Variants in SAMMSON observed in about 807,000 individuals in gnomAD.
SAMMSON encodes the protein survival associated mitochondrial melanoma specific oncogenic non-coding RNA, also known as long intergenic non-protein coding RNA 1212.
At chr3:70,148,110 A>G (rs931815547) in intron 4 of SAMMSON, among the ~76,000 whole-genome samples, 8 of 152,240 alleles carry the variant, frequency 5.3e-5, no homozygotes, top group South Asian at 4.1e-4. Flanking sequence ...TGGAAAGGCT[A>G]TAATTAAATA....
At chr3:70,131,843 G>T (rs2067484210) in intron 4 of SAMMSON, among the ~76,000 whole-genome samples, 1 of 152,094 alleles carries the variant, frequency 6.6e-6, no homozygotes, top group Non-Finnish European at 1.5e-5. Flanking sequence ...CTCCCAAAGT[G>T]TTGGGATTAC....
intron 9 of SAMMSON, among the ~76,000 whole-genome samples, chr3:70,386,515 G>A (rs1026691435): frequency 1.3e-5 from 2 of 152,090 alleles, no homozygotes; most frequent in African/African-American, 4.8e-5. Flanking sequence ...ATTAGAGACT[G>A]CATATTGCCC....
chr3:70,150,427 C>T (rs889815406), intron 4 of SAMMSON, among the ~76,000 whole-genome samples: 4 of 151,988 alleles, frequency 2.6e-5, no homozygotes, highest in African/African-American at 7.2e-5. Context: ...TATTATTTTG[C>T]TAGAGCTAGT....
At chr3:70,330,428 T>G (rs1487817769) in intron 7 of SAMMSON, among the ~76,000 whole-genome samples, 1 of 152,040 alleles carries the variant, frequency 6.6e-6, no homozygotes, top group Non-Finnish European at 1.5e-5. Context: ...TTATCTATAT[T>G]GTATATCTAT....
rs149667817 is a variant in SAMMSON, at chr3:70,265,867, C to G, written n.674+16197C>G. 4.8e-3 allele frequency among the ~76,000 whole-genome samples: 726 copies of G among 152,250 alleles called. 5 individuals are homozygous for G. Among genetic ancestry groups the G allele is most frequent in the African/African-American group, 0.017 (693 of 41,556 alleles). On this transcript the variant is annotated intron_variant and non_coding_transcript_variant, in intron 6 of 9. Coordinates refer to ENST00000642114, the Ensembl canonical transcript of SAMMSON. ...AAATGCCAGACACTTATAAAACCATCAGATCTCATGAGACTCACTCCCTGT... is the reference window on the plus strand; with the variant it reads ...AAATGCCAGACACTTATAAAACCATGAGATCTCATGAGACTCACTCCCTGT...
chr3:70,025,683 C>G (rs556196062), intron 3 of SAMMSON, among the ~76,000 whole-genome samples: 80 of 152,342 alleles, frequency 5.3e-4, no homozygotes, highest in Non-Finnish European at 9.8e-4. Context: ...GGTTCACAAT[C>G]TGAGTATAAC....
chr3:70,286,477 T>C (rs1435341075), intron 6 of SAMMSON, among the ~76,000 whole-genome samples: 3 of 151,856 alleles, frequency 2.0e-5, no homozygotes, highest in Admixed American at 1.3e-4. Context: ...TAGTATAGTT[T>C]GAAGTCAGGT....
chr3:70,181,259 A>G (rs1222531050), intron 4 of SAMMSON, among the ~76,000 whole-genome samples: 1 of 152,244 alleles, frequency 6.6e-6, no homozygotes, highest in Non-Finnish European at 1.5e-5. Flanking sequence ...CAAAGTGGCC[A>G]ATGAAGCTGC....
intron 2 of SAMMSON, among the ~76,000 whole-genome samples, chr3:70,433,297 G>C (rs2111584): frequency 6.6e-6 from 1 of 151,976 alleles, no homozygotes; most frequent in South Asian, 2.1e-4. Flanking sequence ...AAGAGTTCCT[G>C]TTGCCTCACA....
intron 2 of SAMMSON, among the ~76,000 whole-genome samples, chr3:70,420,079 C>G (rs1041111709): frequency 5.9e-5 from 9 of 152,204 alleles, no homozygotes; most frequent in African/African-American, 1.9e-4. Flanking sequence ...GAAGAGCCTT[C>G]CTGGTGAAAG....
At chr3:70,271,471 G>T (rs6807130) in intron 6 of SAMMSON, among the ~76,000 whole-genome samples, 67,338 of 151,946 alleles carry the variant, frequency 0.44, 15,953 homozygotes, top group Non-Finnish European at 0.53. Context: ...TCTGGAATTT[G>T]TATGACAAAT....
intron 4 of SAMMSON, among the ~76,000 whole-genome samples, chr3:70,240,905 A>C (rs538946375): frequency 6.6e-6 from 1 of 152,180 alleles, no homozygotes; most frequent in African/African-American, 2.4e-5. Context: ...GTATGAAAAC[A>C]CTGAATATTT....
chr3:70,288,708 G>A (rs1424662600), intron 6 of SAMMSON, among the ~76,000 whole-genome samples: 1 of 151,838 alleles, frequency 6.6e-6, no homozygotes. Context: ...CTCTTTGTAG[G>A]TCACTCAGGA....
chr3:70,361,406 C>T (rs1227417620), intron 9 of SAMMSON, among the ~76,000 whole-genome samples: 1 of 152,066 alleles, frequency 6.6e-6, no homozygotes, highest in Non-Finnish European at 1.5e-5. Context: ...AATTTTTATC[C>T]TCTTTGGATA....
intron 2 of SAMMSON, among the ~76,000 whole-genome samples, chr3:70,408,148 A>G (rs1559582961): frequency 6.6e-6 from 1 of 152,098 alleles, no homozygotes; most frequent in African/African-American, 2.4e-5. Context: ...CAGCACAGGG[A>G]CCCTGGGCCC....
chr3:70,147,483 A>G (rs976398060), intron 4 of SAMMSON, among the ~76,000 whole-genome samples: 2 of 152,056 alleles, frequency 1.3e-5, no homozygotes, highest in African/African-American at 4.8e-5. Context: ...GATGACTGGA[A>G]TATAGTCCAG....
At chr3:70,343,011 T>C (rs1213645168) in intron 7 of SAMMSON, among the ~76,000 whole-genome samples, 1 of 152,190 alleles carries the variant, frequency 6.6e-6, no homozygotes, top group Non-Finnish European at 1.5e-5. Context: ...GAAGATAGAA[T>C]TGGAGATGTT....
intron 3 of SAMMSON, among the ~76,000 whole-genome samples, chr3:70,045,135 T>C (rs1194363870): frequency 7.7e-6 from 1 of 130,072 alleles, no homozygotes; most frequent in Non-Finnish European, 1.6e-5. Context: ...TATAATATAT[T>C]ATAATTTATA....
intron 7 of SAMMSON, among the ~76,000 whole-genome samples, chr3:70,324,466 A>AGC (rs1553655739): frequency 6.6e-6 from 1 of 151,724 alleles, no homozygotes; most frequent in African/African-American, 2.4e-5. Flanking sequence ...ATATTTGAGA[A>AGC]ACTGAAATCA....
Sources: gnomAD v4.1 joint callset for allele counts (sites outside exome capture counted in the v4.1 genomes callset) on GRCh38, gnomAD v4.1.1 for gene constraint, MANE v1.5 for transcripts, NCBI Gene and HGNC (gene_info 2026-07-23, HGNC 2026-07-21) for gene names.